AIDA: variants seen among roughly 807,000 people sequenced by gnomAD.
The protein encoded by AIDA is axin interactor, dorsalization associated.
AIDA carries 18 observed loss-of-function variants against 42.7 expected under a neutral mutation model. The ratio of observed to expected loss-of-function variants is 0.42; its 90% confidence interval spans 0.29 to 0.63. The LOEUF (loss-of-function observed/expected upper bound fraction) is 0.63, where lower values mean the gene tolerates loss of function less well. Among genes scored for constraint, AIDA ranks in the 20% least tolerant of loss-of-function variants. The pLI is 0.19. For missense variants in AIDA, 250 were observed against 354.1 expected (o/e 0.71, Z 2.36); for synonymous variants, 104 against 122.9 (o/e 0.85, Z 1.02).
intron 6 of AIDA, among the ~76,000 whole-genome samples, chr1:222,680,140 A>C (rs1029165659): frequency 6.6e-6 from 1 of 152,230 alleles, no homozygotes; most frequent in African/African-American, 2.4e-5. Flanking sequence ...ATGCAGGTTC[A>C]CAGTGATGGA....
intron 2 of AIDA, among the ~76,000 whole-genome samples, chr1:222,699,063 G>T (rs978645141): frequency 3.3e-5 from 5 of 152,164 alleles, no homozygotes; most frequent in African/African-American, 1.2e-4. Context: ...CTGACCTCAT[G>T]ATCTGCCTCA....
At chr1:222,680,128 C>A (rs1002950628) in intron 6 of AIDA, among the ~76,000 whole-genome samples, 1 of 152,180 alleles carries the variant, frequency 6.6e-6, no homozygotes, top group Non-Finnish European at 1.5e-5. Flanking sequence ...GTACACTGAG[C>A]AATGCAGGTT....
At chr1:222,670,943 G>T (rs904995355) in intron 8 of AIDA, among the ~76,000 whole-genome samples, 1 of 152,174 alleles carries the variant, frequency 6.6e-6, no homozygotes, top group Non-Finnish European at 1.5e-5. Flanking sequence ...TTCTGGCCGG[G>T]TGCGGTGGCT....
chr1:222,694,302 T>A lies in AIDA; in HGVS notation c.181-39A>T, dbSNP rs779096134. On this transcript the variant is annotated intron_variant, in intron 2 of 9. Coordinates refer to ENST00000340020, the MANE Select transcript of AIDA (RefSeq NM_022831.4). ...AAAAAAGCTATAAATACCAGAATTA[T>A]CATAACTGTTAGTTCAAATCATCAA... 2.7e-6 allele frequency: 4 copies of A among 1,497,480 alleles called. No individual in the cohort carries two copies. In the South Asian group the frequency reaches 4.7e-5, roughly 18 times the overall value. 92.8% of individuals were successfully genotyped at this position (1,497,480 alleles called of 1,614,324 possible).
chr1:222,693,431 G>A (rs892900026), intron 4 of AIDA, among the ~76,000 whole-genome samples: 3 of 152,142 alleles, frequency 2.0e-5, no homozygotes, highest in African/African-American at 7.2e-5. Context: ...CAGCTGGACT[G>A]TAGTTTTCAA....
At chr1:222,674,044 G>A (rs184985249) in intron 7 of AIDA, among the ~76,000 whole-genome samples, 11 of 147,180 alleles carry the variant, frequency 7.5e-5, no homozygotes, top group South Asian at 6.6e-4. Flanking sequence ...CCAAGATCGC[G>A]CCACTGCACT....
chr1:222,669,683 A>G lies in AIDA; in HGVS notation c.*210T>C. The stretch of plus-strand genomic sequence containing the variant: ...GTAAAAACATGTTTCAAAATCTACA[A>G]TAAACCTGTATCCCAAGGAGTCCTA... On this transcript the variant is annotated 3_prime_UTR_variant, in exon 10 of 10. Transcript: ENST00000340020. 1.9e-6 allele frequency: 1 copy of G among 529,136 alleles called. No individual in the cohort carries two copies. The highest frequency in any genetic ancestry group is 3.4e-6 in the Non-Finnish European group (1 of 295,808). 32.8% of individuals were successfully genotyped at this position (529,136 alleles called of 1,614,324 possible). A position where few individuals can be genotyped will look rare whatever the true frequency, so the allele number is the denominator to read the frequency against.
chr1:222,685,231 A>G (rs1664722494), intron 6 of AIDA, among the ~76,000 whole-genome samples: 1 of 152,248 alleles, frequency 6.6e-6, no homozygotes, highest in Non-Finnish European at 1.5e-5. Flanking sequence ...TATTCAGCAT[A>G]TGAAAAATAC....
At chr1:222,672,816 G>A (rs369413985) in intron 8 of AIDA, among the ~76,000 whole-genome samples, 21 of 152,098 alleles carry the variant, frequency 1.4e-4, no homozygotes, top group Non-Finnish European at 2.5e-4. Context: ...ATTTCCACTG[G>A]GCGAAAAGCA....
chr1:222,682,161 A>T (rs1345517387), intron 6 of AIDA, among the ~76,000 whole-genome samples: 2 of 152,026 alleles, frequency 1.3e-5, no homozygotes, highest in Non-Finnish European at 2.9e-5. Context: ...TTGTCTTATT[A>T]TTTCTGCTTT....
At chr1:222,675,114 AT>A (rs762455067) in intron 7 of AIDA, among the ~76,000 whole-genome samples, 6 of 152,130 alleles carry the variant, frequency 3.9e-5, no homozygotes, top group African/African-American at 9.7e-5. Context: ...ATTCCTTTTT[AT>A]TTTAATTGGT....
intron 8 of AIDA, 116 bp downstream of exon 8, chr1:222,673,197 C>T: frequency 1.1e-6 from 1 of 932,876 alleles, no homozygotes; most frequent in Non-Finnish European, 1.5e-6. Context: ...TCAATAAACA[C>T]TATGTTACAT....
chr1:222,685,056 T>C (rs17163431), intron 6 of AIDA, among the ~76,000 whole-genome samples: 19,115 of 152,136 alleles, frequency 0.13, 1,812 homozygotes, highest in African/African-American at 0.27. Flanking sequence ...TATAGCTCTA[T>C]CTTCATAAAG....
chr1:222,686,744 T>C (rs1268918834), intron 6 of AIDA, among the ~76,000 whole-genome samples, 186 bp downstream of exon 6: 1 of 152,206 alleles, frequency 6.6e-6, no homozygotes, highest in African/African-American at 2.4e-5. Context: ...TGAGGACCCC[T>C]GACACAGATA....
intron 6 of AIDA, among the ~76,000 whole-genome samples, chr1:222,683,428 T>C (rs1664687755): frequency 6.6e-6 from 1 of 152,230 alleles, no homozygotes; most frequent in South Asian, 2.1e-4. Flanking sequence ...CAGAATTGAA[T>C]AGTTATGCAG....
chr1:222,685,980 C>T (rs1349733966), intron 6 of AIDA, among the ~76,000 whole-genome samples: 3 of 152,044 alleles, frequency 2.0e-5, no homozygotes, highest in Non-Finnish European at 2.9e-5. Context: ...GCCAACATGG[C>T]GAAACCCTGT....
intron 2 of AIDA, among the ~76,000 whole-genome samples, chr1:222,695,618 A>T (rs1042926756): frequency 6.6e-6 from 1 of 152,202 alleles, no homozygotes; most frequent in Non-Finnish European, 1.5e-5. Context: ...CAAAAATATG[A>T]ATAACTAGGG....
intron 1 of AIDA, among the ~76,000 whole-genome samples, chr1:222,709,218 G>A (rs1655925693): frequency 6.6e-6 from 1 of 152,148 alleles, no homozygotes; most frequent in African/African-American, 2.4e-5. Context: ...GGATCACGAG[G>A]TCAAGAGTTC....
intron 4 of AIDA, among the ~76,000 whole-genome samples, chr1:222,688,087 G>A (rs1655247302): frequency 6.6e-6 from 1 of 152,112 alleles, no homozygotes; most frequent in Non-Finnish European, 1.5e-5. Context: ...AGGCATGGTG[G>A]CGCAGGTCTG....
Sources: gnomAD v4.1 joint callset for allele counts (sites outside exome capture counted in the v4.1 genomes callset) on GRCh38, gnomAD v4.1.1 for gene constraint, MANE v1.5 for transcripts, NCBI Gene and HGNC (gene_info 2026-07-23, HGNC 2026-07-21) for gene names.